OBSL1: variants seen among roughly 807,000 people sequenced by gnomAD.
The protein encoded by OBSL1 is obscurin like cytoskeletal adaptor 1, also known as obscurin-like protein 1.
A neutral mutation model predicts 172.0 loss-of-function variants in OBSL1; 160 were observed. That is an observed-to-expected ratio of 0.93 (90% CI 0.82 to 1.06). The LOEUF (loss-of-function observed/expected upper bound fraction) is 1.06. OBSL1 is among the 50% of genes least tolerant of loss of function. The pLI is 0.00. For synonymous variants in OBSL1, 1,200 were observed against 1,196.3 expected (o/e 1.00, Z -0.06); for missense variants, 2,681 against 2,715.4 (o/e 0.99, Z 0.28).
Position 219,567,420 on chromosome 2 carries a change from T to C in OBSL1, c.1690A>G (p.Ile564Val), listed in dbSNP as rs753567282. The C allele has an allele frequency of 6.2e-7, 1 of 1,613,048 alleles. No individual in the cohort carries two copies. Among genetic ancestry groups the C allele is most frequent in the Non-Finnish European group, 8.5e-7 (1 of 1,179,560 alleles). ...GCTTTCTCGATGCTGAAGCACTGAA[T>C]CCAGTCTTCAGAGCCCACTTCCTGC... is the stretch of plus-strand genomic sequence containing the variant. Reference protein sequence around the residue: ...ERQEVGSEDWIQCFSIEKAGA... With the variant: ...ERQEVGSEDWVQCFSIEKAGA... The change falls in exon 4 of 21, where the codon ATT becomes GTT. Residue 564 changes from isoleucine (I) to valine (V), a missense_variant. Transcript: ENST00000404537.
At chr2:219,562,314 C>T (rs1207606736) in intron 8 of OBSL1, 88 bp downstream of exon 8, 4 of 1,506,484 alleles carry the variant, frequency 2.7e-6, no homozygotes, top group Admixed American at 1.8e-5. Flanking sequence ...CTCCCTCCTC[C>T]CCGGGGTGCT....
chr2:219,556,575 C>T lies in OBSL1; in HGVS notation c.4215G>A (p.Val1405=), dbSNP rs1175012998. 3.1e-6 allele frequency: 5 copies of T among 1,614,014 alleles called. No individual in the cohort carries two copies. The highest frequency in any genetic ancestry group is 4.2e-6 in the Non-Finnish European group (5 of 1,179,902). ...GGCTTGAACCATTCTGGGCCATCTC[C>T]ACCTGGGGCCCTGGAGTGACGACGG... The part of the protein sequence containing the change: ...NGAVVTPGPQ[V]EMAQNGSSRI... Residue 1405 remains valine, a synonymous_variant, in exon 13 of 21, where the codon GTG becomes GTA. Transcript: ENST00000404537.
Position 219,568,365 on chromosome 2 carries a change from A to G in OBSL1, c.1013-41T>C. ...AGAGAGACAAGAGAGGGCTCTGGAGAAGGCCCAGACTAGGAGTAGGATACC... is the reference window on the plus strand; with the variant it reads ...AGAGAGACAAGAGAGGGCTCTGGAGGAGGCCCAGACTAGGAGTAGGATACC... On this transcript the variant is annotated intron_variant, in intron 1 of 20. Coordinates refer to ENST00000404537, the MANE Select transcript of OBSL1 (RefSeq NM_015311.3). The surrounding 1 kb of genome is among the most constrained non-coding windows in gnomAD (Gnocchi z 4.1). 1 of 1,558,402 alleles carries G rather than the reference A, an allele frequency of 6.4e-7. No homozygotes were observed. Among genetic ancestry groups the G allele is most frequent in the African/African-American group, 1.4e-5 (1 of 73,982 alleles).
intron 15 of OBSL1, among the ~76,000 whole-genome samples, chr2:219,554,058 C>T (rs897869985): frequency 1.3e-5 from 2 of 151,972 alleles, no homozygotes; most frequent in African/African-American, 2.4e-5. Flanking sequence ...CTAGTGATGT[C>T]GCCCGTAGGC....
In OBSL1 at chr2:219,565,269, A is replaced by G. The variant is rs1011401369; in HGVS notation, c.2380T>C (p.Ser794Pro). The G allele has an allele frequency of 3.1e-6, 5 of 1,612,382 alleles. No homozygotes were observed. Among genetic ancestry groups the G allele is most frequent in the Non-Finnish European group, 4.2e-6 (5 of 1,178,634 alleles). ...TGGACAGTGACGCCGAAGAAGGCCG[A>G]GACCCCTTCTGTCCTGCACTCAAAC... ...GEFECRTEGV[S>P]AFFGVTVQDP... The change falls in exon 6 of 21, where the codon TCG becomes CCG. Residue 794 changes from serine (S) to proline (P), a missense_variant. By Grantham distance (74) the Ser-to-Pro change is moderately conservative (BLOSUM62 -1). Coordinates refer to ENST00000404537, the MANE Select transcript of OBSL1 (RefSeq NM_015311.3).
intron 8 of OBSL1, among the ~76,000 whole-genome samples, chr2:219,561,549 G>A (rs145823823): frequency 3.6e-4 from 55 of 152,242 alleles, no homozygotes; most frequent in Middle Eastern, 3.4e-3. Flanking sequence ...CCTGGAATGC[G>A]TCTGGCTTTC....
At position 219,571,268 on chromosome 2, in the gene OBSL1, G is replaced by A; in HGVS notation, c.-36C>T. ...GACCGCCTGCAGCGGCGAACGGTGG[G>A]GGGGCAGGGGGGGGTGCGGAGGGCG... On this transcript the variant is annotated 5_prime_UTR_variant, in exon 1 of 21. Transcript: ENST00000404537. The A allele has an allele frequency of 3.4e-6, 4 of 1,166,636 alleles. No individual in the cohort carries two copies. Among genetic ancestry groups the A allele is most frequent in the Non-Finnish European group, 4.4e-6 (4 of 918,950 alleles). The allele number at this position is 1,166,636 out of a possible 1,614,324, so 72.3% of individuals were successfully genotyped here. A position where few individuals can be genotyped will look rare whatever the true frequency, so the allele number is the denominator to read the frequency against.
chr2:219,563,586 C>T lies in OBSL1; in HGVS notation c.2449G>A (p.Val817Met), dbSNP rs577797633. 33 of 1,613,768 alleles carry T rather than the reference C, an allele frequency of 2.0e-5. No homozygotes were observed. Among genetic ancestry groups the T allele is most frequent in the African/African-American group, 1.1e-4 (8 of 74,998 alleles). ...HIVDPREHVF[V>M]HAITSECVML... is the part of the protein sequence containing the mutation. The stretch of plus-strand genomic sequence containing the variant: ...ACACACTCGGAAGTTATGGCATGCA[C>T]GAACACATGTTCTCGGGGGTCCACG... The change falls in exon 7 of 21, where the codon GTG (valine) becomes ATG (methionine). Residue 817 changes from valine (V) to methionine (M), a missense_variant. Physicochemically the swap from Val to Met is conservative, Grantham distance 21. Around this residue, in one of 5 missense-constraint regions of OBSL1, gnomAD observed 1,765 missense variants for 1,748.3 expected, o/e 1.01. Coordinates refer to ENST00000404537, the MANE Select transcript of OBSL1 (RefSeq NM_015311.3).
At chr2:219,559,008 A>C in intron 9 of OBSL1, 1 of 556,754 alleles carries the variant, frequency 1.8e-6, no homozygotes, top group Non-Finnish European at 3.2e-6. Flanking sequence ...GTATTGAACG[A>C]ATGGATGAAT....
At chr2:219,550,047 A>G, downstream of OBSL1, 1 of 703,102 alleles carries the variant, frequency 1.4e-6, no homozygotes, top group Non-Finnish European at 2.3e-6. Flanking sequence ...AGCTCCCAAG[A>G]GGCTCCTGAG....
Position 219,557,513 on chromosome 2 carries a change from G to A in OBSL1, c.3896C>T (p.Pro1299Leu). The A allele has an allele frequency of 6.4e-7, 1 of 1,552,376 alleles. No individual in the cohort carries two copies. The highest frequency in any genetic ancestry group is 8.7e-7 in the Non-Finnish European group (1 of 1,148,608). Residue 1299 changes from proline to leucine, a missense_variant, in exon 12 of 21, where the codon CCT becomes CTT. By Grantham distance (98) the Pro-to-Leu change is moderately conservative. Transcript: ENST00000404537. ...LVVHLSGPGG[P>L]VRWYKDGERL... ...CTCCCCGTCCTTGTACCAGCGTACA[G>A]GGCCCCCTGGCCCGGAGAGGTGCAC...
At position 219,558,450 on chromosome 2, in the gene OBSL1, T is replaced by A. The variant is rs775467805; in HGVS notation, c.3236A>T (p.Glu1079Val). The stretch of plus-strand genomic sequence containing the variant: ...GCGGGCTGCCGGGTGCACAATCCTC[T>A]CTGGTGGGGCTGGTGGGTGGGCATG... ...FFTVTVTAPP[E>V]RIVHPAARSL... The change falls in exon 10 of 21, where the codon GAG (glutamate) becomes GTG (valine). Residue 1079 changes from glutamate (E) to valine (V), a missense_variant. By Grantham distance (121) the Glu-to-Val change is moderately radical. This residue lies in a region of OBSL1 where 1,765 missense variants were observed against 1,748.3 expected (regional missense o/e 1.01). Transcript: ENST00000404537. 19 of 1,580,578 alleles carry A rather than the reference T, an allele frequency of 1.2e-5. No individual in the cohort carries two copies. The highest frequency in any genetic ancestry group is 2.3e-5 in the East Asian group (1 of 43,324).
downstream of OBSL1, chr2:219,547,705 GCTGCTGCTCGGC>G: frequency 1.3e-6 from 2 of 1,571,864 alleles, no homozygotes; most frequent in Non-Finnish European, 1.7e-6. Context: ...TCCTGGTGGG[GCTGCTGCTCGGC>G]CTGCTGCTCG....
At position 219,553,633 on chromosome 2, in the gene OBSL1, C is replaced by G. The variant is rs1397021949; in HGVS notation, c.4930G>C (p.Asp1644His). 6.2e-7 allele frequency: 1 copy of G among 1,613,756 alleles called. No individual in the cohort carries two copies. Among genetic ancestry groups the G allele is most frequent in the East Asian group, 2.2e-5 (1 of 44,880 alleles). ...GPHDLEVTEG[D>H]TATFECELSQ... ...AGCTCGCACTCGAACGTAGCTGTGT[C>G]GCCCTCGGTCACCTCTAGGTCGTGT... Residue 1644 changes from aspartate to histidine, a missense_variant, in exon 16 of 21, where the codon GAC (aspartate) becomes CAC (histidine). This residue lies in a region of OBSL1 where 1,765 missense variants were observed against 1,748.3 expected (regional missense o/e 1.01). Coordinates refer to ENST00000404537, the MANE Select transcript of OBSL1 (RefSeq NM_015311.3).
Position 219,570,676 on chromosome 2 carries a change from T to G in OBSL1, c.557A>C (p.Asp186Ala). 1 of 1,507,268 alleles carries G rather than the reference T, an allele frequency of 6.6e-7. No individual in the cohort carries two copies. Among genetic ancestry groups the G allele is most frequent in the East Asian group, 2.7e-5 (1 of 37,036 alleles). The allele number at this position is 1,507,268 out of a possible 1,614,324, so 93.4% of individuals were successfully genotyped here. A position where few individuals can be genotyped will look rare whatever the true frequency, so the allele number is the denominator to read the frequency against. ...HFALQPGRAEDGPGASLALRI... is the reference protein window; with the variant it reads ...HFALQPGRAEAGPGASLALRI... Reference sequence around the variant, plus strand: ...CAGTGCCAGGCTCGCGCCGGGGCCGTCCTCGGCGCGGCCCGGCTGGAGCGC... The same window carrying G: ...CAGTGCCAGGCTCGCGCCGGGGCCGGCCTCGGCGCGGCCCGGCTGGAGCGC... The change falls in exon 1 of 21, where the codon GAC (aspartate) becomes GCC (alanine). Residue 186 changes from aspartate to alanine, a missense_variant. Around this residue, in one of 5 missense-constraint regions of OBSL1, gnomAD observed 706 missense variants for 695.8 expected, o/e 1.01. Transcript: ENST00000404537.
chr2:219,561,587 A>C, intron 8 of OBSL1: 2 of 429,722 alleles, frequency 4.7e-6, no homozygotes, highest in Non-Finnish European at 4.3e-6. Flanking sequence ...CCTAGAGGGA[A>C]GCGGCCGTGT....
rs202001381 is a variant in OBSL1 at position 219,556,651 on chromosome 2, C to G, written c.4139G>C (p.Arg1380Pro). The G allele has an allele frequency of 3.7e-6, 6 of 1,612,908 alleles. No individual in the cohort carries two copies. The Admixed American group carries it at 5.0e-5, about 13-fold the overall frequency. The change falls in exon 13 of 21, where the codon CGG becomes CCG. Residue 1380 changes from arginine (R) to proline (P), a missense_variant. Transcript: ENST00000404537. ...GGCATCTGGTGGGGAGACTTCACAC[C>G]GGAACGTGGCATCATCGCCCTCGTG... ...TVHEGDDATF[R>P]CEVSPPDADV...
Position 219,567,962 on chromosome 2 carries a change from G to A in OBSL1, c.1290C>T (p.Ile430=). The A allele has an allele frequency of 6.2e-7, 1 of 1,613,730 alleles. No individual in the cohort carries two copies. Among genetic ancestry groups the A allele is most frequent in the Non-Finnish European group, 8.5e-7 (1 of 1,179,860 alleles). The change falls in exon 3 of 21, where the codon ATC becomes ATT. Residue 430 remains isoleucine (I), a synonymous_variant. Transcript: ENST00000404537. ...CGAGCTTCCGGGGCAGGCGCTTCAG[G>A]ATGGGCCCTGAGATGCGGACAGGAA... ...TVANVTVKGP[I]LKRLPRKLDV...
rs762360001 is a variant in OBSL1, at chr2:219,567,456, G to A, written c.1654C>T (p.Arg552Trp). 62 of 1,613,436 alleles carry A rather than the reference G, an allele frequency of 3.8e-5. 1 individual carries two copies. The South Asian group carries it at 5.4e-4, about 14-fold the overall frequency. ...EPAPETPFIY[R>W]LERQEVGSED... ...GAGCCCACTTCCTGCCGCTCCAGCC[G>A]GTAGATGAATGGGGTCTCGGGAGCT... is the stretch of plus-strand genomic sequence containing the variant. Residue 552 changes from arginine (R) to tryptophan (W), a missense_variant, in exon 4 of 21, where the codon CGG (arginine) becomes TGG (tryptophan). Physicochemically the swap from Arg to Trp is moderately radical, Grantham distance 101 (BLOSUM62 -3). Transcript: ENST00000404537.
Sources: allele counts gnomAD v4.1 joint callset (sites outside exome capture counted in the v4.1 genomes callset), GRCh38; gene constraint gnomAD v4.1.1; regional missense constraint gnomAD v4.1.1; non-coding constraint Gnocchi (gnomAD v3.1); transcripts MANE v1.5; gene names NCBI Gene and HGNC (gene_info 2026-07-23, HGNC 2026-07-21).